PITPNC1: variants seen among roughly 807,000 people sequenced by gnomAD.
PITPNC1 encodes cytoplasmic phosphatidylinositol transfer protein 1.
Under a neutral mutation model 44.7 loss-of-function variants are expected in PITPNC1, and 18 were observed. The observed-to-expected ratio is 0.40, with a 90% CI of 0.28 to 0.60. The LOEUF is 0.60. Among genes scored for constraint, PITPNC1 ranks in the 20% least tolerant of loss-of-function variants. The pLI is 0.39. For missense variants in PITPNC1, 290 were observed against 418.4 expected (o/e 0.69, Z 2.68); for synonymous variants, 141 against 149.6 (o/e 0.94, Z 0.42).
chr17:67,387,604 T>C (rs1754362535), intron 1 of PITPNC1, among the ~76,000 whole-genome samples: 1 of 152,122 alleles, frequency 6.6e-6, no homozygotes, highest in South Asian at 2.1e-4. Flanking sequence ...AGGTGGAAGT[T>C]GCAGTGAGCT....
chr17:67,451,053 CAG>C (rs1251299380), intron 1 of PITPNC1, among the ~76,000 whole-genome samples: 4 of 152,142 alleles, frequency 2.6e-5, no homozygotes, highest in Admixed American at 2.0e-4. Context: ...TTTTTTGAGA[CAG>C]AGTTTCACTC....
intron 1 of PITPNC1, among the ~76,000 whole-genome samples, chr17:67,507,979 C>T (rs1241724252): frequency 6.6e-6 from 1 of 152,202 alleles, no homozygotes; most frequent in Non-Finnish European, 1.5e-5. Context: ...TGTGTTTAAA[C>T]ATGTCCAGGC....
intron 1 of PITPNC1, among the ~76,000 whole-genome samples, chr17:67,464,736 C>T (rs1446240998): frequency 6.8e-6 from 1 of 146,146 alleles, no homozygotes; most frequent in African/African-American, 2.6e-5. Flanking sequence ...GATTTTACAA[C>T]TCTCTCACTT....
intron 1 of PITPNC1, among the ~76,000 whole-genome samples, chr17:67,521,504 G>C (rs1351630816): frequency 3.3e-5 from 5 of 152,040 alleles, no homozygotes; most frequent in East Asian, 1.9e-4. Flanking sequence ...TCGGATATTG[G>C]TTTTCATGGT....
intron 5 of PITPNC1, among the ~76,000 whole-genome samples, chr17:67,580,181 G>A (rs2041210088): frequency 6.6e-6 from 1 of 152,000 alleles, no homozygotes; most frequent in South Asian, 2.1e-4. Flanking sequence ...ATTTTTCCTG[G>A]CTGTACCACC....
intron 1 of PITPNC1, among the ~76,000 whole-genome samples, chr17:67,409,749 G>C (rs2038463898): frequency 6.6e-6 from 1 of 151,884 alleles, no homozygotes; most frequent in South Asian, 2.1e-4. Flanking sequence ...TGTTGTCCAG[G>C]CTGGTCTCAA....
At chr17:67,451,777 T>C (rs1338390716) in intron 1 of PITPNC1, among the ~76,000 whole-genome samples, 1 of 152,090 alleles carries the variant, frequency 6.6e-6, no homozygotes, top group Non-Finnish European at 1.5e-5. Context: ...TAGCGGGCAC[T>C]ACAGGTGCCC....
At position 67,387,695 on chromosome 17, in the gene PITPNC1, C is replaced by T. The variant is rs75582078; in HGVS notation, c.48+9493C>T. On this transcript the variant is annotated intron_variant, in intron 1 of 8. Coordinates refer to ENST00000581322, the MANE Select transcript of PITPNC1 (RefSeq NM_012417.4). ...AAATATAAAATAAAATAATCTTTTC[C>T]TTAATATTCTCGCTATTTATATCCT... Among the ~76,000 whole-genome samples, 5 of 152,202 alleles carry T rather than the reference C, an allele frequency of 3.3e-5. No homozygotes were observed. In the East Asian group the frequency reaches 9.6e-4, roughly 29 times the overall value.
chr17:67,428,648 CTG>C (rs1235777814), intron 1 of PITPNC1, among the ~76,000 whole-genome samples: 2 of 151,818 alleles, frequency 1.3e-5, no homozygotes, highest in African/African-American at 2.4e-5. Flanking sequence ...GATAATTTTC[CTG>C]TGTTTTACAA....
At chr17:67,400,996 G>T (rs183820309) in intron 1 of PITPNC1, among the ~76,000 whole-genome samples, 1 of 151,530 alleles carries the variant, frequency 6.6e-6, no homozygotes, top group Non-Finnish European at 1.5e-5. Context: ...GTGCCAACTC[G>T]GCTCACTGCA....
At chr17:67,426,358 CA>C (rs1555649916) in intron 1 of PITPNC1, among the ~76,000 whole-genome samples, 1 of 152,154 alleles carries the variant, frequency 6.6e-6, no homozygotes, top group Non-Finnish European at 1.5e-5. Flanking sequence ...GGAATCAACC[CA>C]AATGCCCATC....
intron 8 of PITPNC1, among the ~76,000 whole-genome samples, chr17:67,685,649 T>C (rs1337695419): frequency 6.6e-6 from 1 of 152,192 alleles, no homozygotes; most frequent in Non-Finnish European, 1.5e-5. Flanking sequence ...AGTTCCGCTC[T>C]GCCAAGAGAG....
rs180945037 is a variant in PITPNC1, at chr17:67,437,843, G to A, written c.48+59641G>A. On this transcript the variant is annotated intron_variant, in intron 1 of 8. Coordinates refer to ENST00000581322, the MANE Select transcript of PITPNC1 (RefSeq NM_012417.4). The stretch of plus-strand genomic sequence containing the variant: ...AGCACTTTGGGAGGCCGAGGCGGGC[G>A]GATCACTTGAGGTCAGGAGTTGGAG... Among the ~76,000 whole-genome samples the A allele has an allele frequency of 1.3e-3, 195 of 152,206 alleles. 1 individual carries two copies. Among genetic ancestry groups the A allele is most frequent in the African/African-American group, 4.4e-3 (183 of 41,552 alleles).
intron 1 of PITPNC1, among the ~76,000 whole-genome samples, chr17:67,430,779 C>T (rs1205285281): frequency 2.0e-5 from 3 of 151,582 alleles, no homozygotes; most frequent in Admixed American, 1.3e-4. Context: ...CATAGTGAGA[C>T]CCTGTCTCTA....
intron 8 of PITPNC1, among the ~76,000 whole-genome samples, chr17:67,683,766 T>C (rs976985352): frequency 6.6e-6 from 1 of 151,044 alleles, no homozygotes; most frequent in Non-Finnish European, 1.5e-5. Context: ...TCACTTGAGG[T>C]CAGGAGTTCG....
chr17:67,653,608 C>T (rs2042232555), intron 6 of PITPNC1, among the ~76,000 whole-genome samples: 1 of 152,218 alleles, frequency 6.6e-6, no homozygotes, highest in African/African-American at 2.4e-5. Context: ...GGAACCAACC[C>T]TCCACCCTAA....
chr17:67,670,975 G>A (rs977585144), intron 7 of PITPNC1, among the ~76,000 whole-genome samples: 25 of 152,068 alleles, frequency 1.6e-4, no homozygotes, highest in Admixed American at 2.6e-4. Context: ...TCTGCCTCCC[G>A]GGTTCAAGTG....
chr17:67,443,669 CTT>C (rs1364933663), intron 1 of PITPNC1, among the ~76,000 whole-genome samples: 3 of 135,622 alleles, frequency 2.2e-5, no homozygotes, highest in East Asian at 4.2e-4. Context: ...AATTCTCACT[CTT>C]TTGACCAGGC....
chr17:67,505,442 G>T lies in PITPNC1; in HGVS notation c.49-27360G>T, dbSNP rs74657911. Reference sequence around the variant, plus strand: ...CTGTTTATCATTGTATCTTCCTAAGGAATTACCCTTTGATCATTATAAAAT... The same window carrying T: ...CTGTTTATCATTGTATCTTCCTAAGTAATTACCCTTTGATCATTATAAAAT... On this transcript the variant is annotated intron_variant, in intron 1 of 8. Transcript: ENST00000581322. 3.4e-4 allele frequency among the ~76,000 whole-genome samples: 51 copies of T among 152,222 alleles called. 1 individual carries two copies. In the East Asian group the frequency reaches 9.8e-3, roughly 29 times the overall value.
Sources: allele counts gnomAD v4.1 joint callset (sites outside exome capture counted in the v4.1 genomes callset), GRCh38; gene constraint gnomAD v4.1.1; transcripts MANE v1.5; gene names NCBI Gene and HGNC (gene_info 2026-07-23, HGNC 2026-07-21).